The following DLG1 variants were observed in gnomAD, a reference collection of about 807,000 sequenced individuals.
DLG1 encodes discs large MAGUK scaffold protein 1.
A neutral mutation model predicts 123.4 loss-of-function variants in DLG1; 42 were observed. The observed-to-expected ratio is 0.34, with a 90% confidence interval of 0.27 to 0.44. The LOEUF (loss-of-function observed/expected upper bound fraction) is 0.44, where lower values mean the gene tolerates loss of function less well. Among genes scored for constraint, DLG1 ranks in the 20% least tolerant of loss-of-function variants. DLG1 has a pLI of 1.00. For missense variants in DLG1, 942 were observed against 1,082.6 expected (o/e 0.87, Z 1.82); for synonymous variants, 317 against 356.2 (o/e 0.89, Z 1.24).
intron 4 of DLG1, among the ~76,000 whole-genome samples, chr3:197,203,527 GA>G (rs978027718): frequency 6.7e-6 from 1 of 148,336 alleles, no homozygotes; most frequent in African/African-American, 2.5e-5. Context: ...CCCCAAAAAA[GA>G]AAAAAAAACC....
chr3:197,097,958 G>A (rs746425857), intron 14 of DLG1, among the ~76,000 whole-genome samples: 4 of 151,996 alleles, frequency 2.6e-5, no homozygotes, highest in East Asian at 1.9e-4. Context: ...AGGAAGTGAT[G>A]ACTTTTCAAT....
chr3:197,106,995 A>C (rs1766837298), intron 13 of DLG1, among the ~76,000 whole-genome samples: 1 of 152,208 alleles, frequency 6.6e-6, no homozygotes. Context: ...CCCCAAAAAG[A>C]AACTCTGTAT....
At chr3:197,249,625 G>A (rs539689632) in intron 4 of DLG1, among the ~76,000 whole-genome samples, 19 of 152,086 alleles carry the variant, frequency 1.2e-4, no homozygotes, top group African/African-American at 4.6e-4. Context: ...GAAAACTACA[G>A]GCCAATACCA....
In DLG1 at chr3:197,043,014, CA is replaced by C. The variant is rs557548286; in HGVS notation, c.*1608del. On this transcript the variant is annotated 3_prime_UTR_variant, in exon 25 of 25. Transcript: ENST00000667157. ...TGATAATTCTTTACAAACCAGTACT[CA>C]TTTAAGAAACTAATGAGGAGGTTGT... The C allele has an allele frequency of 6.6e-6, 1 of 152,168 alleles. No homozygotes were observed. The highest frequency in any genetic ancestry group is 2.1e-4 in the South Asian group (1 of 4,826). 9.4% of individuals were successfully genotyped at this position (152,168 alleles called of 1,614,324 possible).
intron 4 of DLG1, among the ~76,000 whole-genome samples, chr3:197,248,961 T>C (rs1753095051): frequency 6.6e-6 from 1 of 152,092 alleles, no homozygotes; most frequent in Non-Finnish European, 1.5e-5. Context: ...TGGCCTAGGC[T>C]ACAGAGCAAG....
At chr3:197,168,818 A>C (rs1802660444) in intron 5 of DLG1, among the ~76,000 whole-genome samples, 1 of 152,176 alleles carries the variant, frequency 6.6e-6, no homozygotes, top group Non-Finnish European at 1.5e-5. Context: ...AGTTGTTTCT[A>C]TCCACAGCAA....
chr3:197,147,248 A>T lies in DLG1; in HGVS notation c.537+2495T>A, dbSNP rs1791270939. 2.6e-5 allele frequency among the ~76,000 whole-genome samples: 4 copies of T among 152,330 alleles called. No individual in the cohort carries two copies. In the South Asian group the frequency reaches 8.3e-4, roughly 32 times the overall value. ...CAGTACAGAGAGTCCTTAAAGAACT[A>T]AAAGGAGATCTACCGTTTGATCCAG... On this transcript the variant is annotated intron_variant, in intron 6 of 24. Transcript: ENST00000667157.
intron 11 of DLG1, among the ~76,000 whole-genome samples, chr3:197,119,753 G>C (rs1775248358): frequency 6.6e-6 from 1 of 152,064 alleles, no homozygotes; most frequent in Non-Finnish European, 1.5e-5. Flanking sequence ...AAAGTGTTGG[G>C]ATTACAGGCA....
chr3:197,233,201 T>C (rs1561590035), intron 4 of DLG1, among the ~76,000 whole-genome samples: 1 of 152,068 alleles, frequency 6.6e-6, no homozygotes, highest in African/African-American at 2.4e-5. Context: ...TTTAAAAGCA[T>C]AAAAAATTTA....
At chr3:197,259,208 T>C (rs1271175968) in intron 4 of DLG1, among the ~76,000 whole-genome samples, 3 of 152,192 alleles carry the variant, frequency 2.0e-5, no homozygotes, top group Admixed American at 6.6e-5. Context: ...TCCAGGATTA[T>C]GTGCCCTTTA....
In DLG1 at chr3:197,223,330, G is replaced by C. The variant is rs534654647; in HGVS notation, c.319-28741C>G. On this transcript the variant is annotated intron_variant, in intron 4 of 24. Transcript: ENST00000667157. ...CACACTCTCACTCTGACACACATGGGGACTTCCAAGATTCTATAGTAAACA... is the reference window on the plus strand; with the variant it reads ...CACACTCTCACTCTGACACACATGGCGACTTCCAAGATTCTATAGTAAACA... Among the ~76,000 whole-genome samples the C allele has an allele frequency of 3.9e-5, 6 of 151,992 alleles. No homozygotes were observed. In the East Asian group the frequency reaches 5.8e-4, roughly 15 times the overall value.
intron 11 of DLG1, among the ~76,000 whole-genome samples, chr3:197,123,601 T>TG (rs1777532496): frequency 6.6e-6 from 1 of 152,184 alleles, no homozygotes; most frequent in Admixed American, 6.5e-5. Context: ...ATTAAAAAGA[T>TG]GGATAATACC....
intron 1 of DLG1, chr3:197,298,046 C>T (rs892610185): frequency 3.9e-6 from 2 of 509,246 alleles, no homozygotes; most frequent in East Asian, 1.5e-4. Context: ...CCAGTTGCTG[C>T]CGCACGCCCC....
intron 3 of DLG1, among the ~76,000 whole-genome samples, chr3:197,288,743 A>ACATACATACATACATACATAC (rs1553827363): frequency 8.3e-5 from 6 of 72,092 alleles, no homozygotes; most frequent in African/African-American, 4.4e-4. Flanking sequence ...AAAAAAAAAA[A>ACATACATACATACATACATAC]ATACATACAT....
chr3:197,053,494 G>A (rs1427013009), intron 23 of DLG1, among the ~76,000 whole-genome samples: 4 of 152,046 alleles, frequency 2.6e-5, no homozygotes, highest in Non-Finnish European at 5.9e-5. Flanking sequence ...TCTGCTGGCA[G>A]GGCATGGTGG....
chr3:197,155,017 T>C lies in DLG1; in HGVS notation c.484-5221A>G, dbSNP rs1027685318. Among the ~76,000 whole-genome samples, 12 of 152,086 alleles carry C rather than the reference T, an allele frequency of 7.9e-5. No individual in the cohort carries two copies. The East Asian group carries it at 1.9e-3, about 24-fold the overall frequency. On this transcript the variant is annotated intron_variant, in intron 5 of 24. Coordinates refer to ENST00000667157, the MANE Select transcript of DLG1 (RefSeq NM_001366207.1). ...GACAGATAAAAGAGTAGAAAAAATA[T>C]TTGAATAATAGCCAAAACTTCTCAG...
intron 10 of DLG1, among the ~76,000 whole-genome samples, chr3:197,132,266 G>GT (rs1248013255): frequency 1.4e-5 from 2 of 145,538 alleles, no homozygotes; most frequent in Non-Finnish European, 3.0e-5. Flanking sequence ...TTTGCTTTAG[G>GT]TTTGGATTGT....
chr3:197,104,308 A>T (rs893098675), intron 14 of DLG1, among the ~76,000 whole-genome samples: 10 of 152,198 alleles, frequency 6.6e-5, no homozygotes, highest in Admixed American at 2.6e-4. Context: ...GAACAGATTT[A>T]AAAAAGTAAA....
chr3:197,175,739 AACTT>A (rs1806670949), intron 5 of DLG1, among the ~76,000 whole-genome samples: 1 of 152,208 alleles, frequency 6.6e-6, no homozygotes, highest in Admixed American at 6.5e-5. Context: ...GCTCTTGTGA[AACTT>A]ACAGTTTAGT....
Sources: allele counts gnomAD v4.1 joint callset (sites outside exome capture counted in the v4.1 genomes callset), GRCh38; gene constraint gnomAD v4.1.1; transcripts MANE v1.5; gene names NCBI Gene and HGNC (gene_info 2026-07-23, HGNC 2026-07-21).